Variants in ELP2 observed in about 807,000 individuals in gnomAD.
ELP2 encodes elongator complex protein 2.
ELP2 carries 90 observed loss-of-function variants against 119.2 expected under a neutral mutation model. The observed-to-expected ratio is 0.75, with a 90% CI of 0.64 to 0.90. ELP2 has a LOEUF of 0.90. Among genes scored for constraint, ELP2 ranks in the 40% least tolerant of loss-of-function variants. The pLI is 0.00. For synonymous variants in ELP2, 339 were observed against 331.0 expected, an observed-to-expected ratio of 1.02 and a Z score of -0.26; for missense variants, 921 against 967.8, an observed-to-expected ratio of 0.95 and a Z score of 0.64.
chr18:36,164,634 T>G lies in ELP2; in HGVS notation c.1921T>G (p.Trp641Gly), dbSNP rs370712390. The change falls in exon 18 of 22, where the codon TGG becomes GGG. Residue 641 changes from tryptophan to glycine, a missense_variant. Physicochemically the swap from Trp to Gly is radical, Grantham distance 184. Transcript: ENST00000358232. ...AVSRDRTWSL[W>G]KKQDTISPEF... Reference sequence around the variant, plus strand: ...TTCCAGAGATCGAACCTGGTCATTGTGGAAAAAGCAGGATACAATCTCACC... The same window carrying G: ...TTCCAGAGATCGAACCTGGTCATTGGGGAAAAAGCAGGATACAATCTCACC... The G allele has an allele frequency of 9.3e-6, 15 of 1,613,958 alleles. No individual in the cohort carries two copies. The highest frequency in any genetic ancestry group is 1.3e-5 in the African/African-American group (1 of 74,932).
intron 8 of ELP2, among the ~76,000 whole-genome samples, chr18:36,143,385 G>T (rs9960946): frequency 0.023 from 3,484 of 148,664 alleles, 130 homozygotes; most frequent in African/African-American, 0.082. Context: ...GCCTCCCAAA[G>T]TGCTGGGATT....
At chr18:36,142,215 G>A in intron 6 of ELP2, 66 bp from the exon 7 acceptor site, 2 of 1,287,494 alleles carry the variant, frequency 1.6e-6, no homozygotes, top group Non-Finnish European at 1.1e-6. Context: ...GAGACCAAAT[G>A]ATGTCACTGG....
At chr18:36,143,928 G>A (rs1056960589) in intron 8 of ELP2, among the ~76,000 whole-genome samples, 6 of 152,170 alleles carry the variant, frequency 3.9e-5, no homozygotes, top group Non-Finnish European at 5.9e-5. Context: ...TAAAAGACAA[G>A]CTAAATCTCA....
chr18:36,160,061 T>A (rs1598809428), intron 16 of ELP2, 46 bp downstream of exon 16: 1 of 1,589,764 alleles, frequency 6.3e-7, no homozygotes, highest in Middle Eastern at 2.1e-4. Flanking sequence ...CTGTCGTAAC[T>A]TCTGACTTTT....
chr18:36,149,315 A>G (rs2090311563), intron 11 of ELP2, among the ~76,000 whole-genome samples: 2 of 152,166 alleles, frequency 1.3e-5, no homozygotes, highest in African/African-American at 4.8e-5. Flanking sequence ...AAGGTTAGGT[A>G]GGTGCAGAAC....
At chr18:36,166,178 G>GT (rs1035892490) in intron 18 of ELP2, among the ~76,000 whole-genome samples, 12 of 146,808 alleles carry the variant, frequency 8.2e-5, no homozygotes, top group African/African-American at 3.0e-4. Context: ...GGGCATTAGA[G>GT]TGAGACTTCG....
intron 2 of ELP2, among the ~76,000 whole-genome samples, chr18:36,135,708 A>G (rs567664635): frequency 6.6e-6 from 1 of 152,334 alleles, no homozygotes; most frequent in Admixed American, 6.5e-5. Flanking sequence ...AATGTTTCAT[A>G]TAATGTTCCT....
chr18:36,138,320 G>T lies in ELP2; in HGVS notation c.339G>T (p.Val113=), dbSNP rs759209061. The change falls in exon 4 of 22, where the codon GTG becomes GTT. Residue 113 remains valine, a synonymous_variant. Transcript: ENST00000358232. Reference sequence around the variant, plus strand: ...GCCATGAAGGACCTGTTTATGCGGTGCATGCTGTTTACCAGAGGAGGACAT... The same window carrying T: ...GCCATGAAGGACCTGTTTATGCGGTTCATGCTGTTTACCAGAGGAGGACAT... ...LQGHEGPVYA[V]HAVYQRRTSD... is the part of the protein sequence containing the mutation. The T allele has an allele frequency of 1.2e-6, 2 of 1,614,112 alleles. No individual in the cohort carries two copies. The highest frequency in any genetic ancestry group is 1.1e-5 in the South Asian group (1 of 91,086).
chr18:36,147,407 T>TTTTGTTTGTTTG (rs71166096), intron 11 of ELP2, among the ~76,000 whole-genome samples: 465 of 149,438 alleles, frequency 3.1e-3, no homozygotes, highest in East Asian at 7.5e-3. Context: ...TACTGACAGT[T>TTTTGTTTGTTTG]TTTGTTTGTT....
At chr18:36,161,071 T>C in intron 17 of ELP2, 67 bp downstream of exon 17, 1 of 1,166,232 alleles carries the variant, frequency 8.6e-7, no homozygotes, top group South Asian at 1.2e-5. Context: ...CCTGCAAGTT[T>C]GGTAATGATT....
intron 19 of ELP2, among the ~76,000 whole-genome samples, chr18:36,167,723 G>A (rs2090949966): frequency 6.8e-6 from 1 of 147,764 alleles, no homozygotes; most frequent in African/African-American, 2.5e-5. Context: ...ACAGGGTCTC[G>A]GGTGCAGTGG....
Position 36,154,901 on chromosome 18 carries a change from G to C in ELP2, c.1177G>C (p.Asp393His), listed in dbSNP as rs1440012391. 2 of 1,613,914 alleles carry C rather than the reference G, an allele frequency of 1.2e-6. No individual in the cohort carries two copies. Among genetic ancestry groups the C allele is most frequent in the East Asian group, 2.2e-5 (1 of 44,868 alleles). The stretch of plus-strand genomic sequence containing the variant: ...TTCAGGACACTTTGATGGTGTCCAA[G>C]ACCTAGTCTGGGATCCAGAAGGAGA... Reference protein sequence around the residue: ...VISGHFDGVQDLVWDPEGEFI... With the variant: ...VISGHFDGVQHLVWDPEGEFI... The change falls in exon 12 of 22, where the codon GAC becomes CAC. Residue 393 changes from aspartate (D) to histidine (H), a missense_variant. By Grantham distance (81) the Asp-to-His change is moderately conservative. Transcript: ENST00000358232.
intron 5 of ELP2, chr18:36,139,867 T>G (rs2089961908): frequency 4.9e-6 from 1 of 202,324 alleles, no homozygotes; most frequent in Admixed American, 5.6e-5. Context: ...ATTTATTTTT[T>G]AGAGACAAAG....
chr18:36,131,450 A>G (rs1296506391), intron 1 of ELP2, among the ~76,000 whole-genome samples: 1 of 152,260 alleles, frequency 6.6e-6, no homozygotes, highest in African/African-American at 2.4e-5. Flanking sequence ...GCCTTGCGGC[A>G]TTGCGGCACC....
chr18:36,150,789 A>G (rs752321343), intron 11 of ELP2, among the ~76,000 whole-genome samples: 1 of 152,246 alleles, frequency 6.6e-6, no homozygotes, highest in Non-Finnish European at 1.5e-5. Flanking sequence ...ACATTCCCCA[A>G]TCAGACACAA....
chr18:36,157,548 TG>T (rs1366434432), intron 13 of ELP2, among the ~76,000 whole-genome samples: 1 of 152,092 alleles, frequency 6.6e-6, no homozygotes, highest in African/African-American at 2.4e-5. Flanking sequence ...GGGGTGCTGT[TG>T]GAGGCTCCTA....
chr18:36,168,584 T>C (rs570577134), intron 19 of ELP2, among the ~76,000 whole-genome samples: 11 of 152,178 alleles, frequency 7.2e-5, no homozygotes, highest in African/African-American at 2.6e-4. Flanking sequence ...TCGTGAGAAC[T>C]CACTCACTAT....
chr18:36,163,177 G>A (rs1446192134), intron 17 of ELP2, among the ~76,000 whole-genome samples: 1 of 151,842 alleles, frequency 6.6e-6, no homozygotes, highest in African/African-American at 2.4e-5. Context: ...TTGCTTCTGA[G>A]TCATTTCCCA....
intron 11 of ELP2, 79 bp downstream of exon 11, chr18:36,146,460 C>A (rs531334382): frequency 4.0e-6 from 6 of 1,498,074 alleles, no homozygotes; most frequent in Non-Finnish European, 5.6e-6. Flanking sequence ...GCTTATAACA[C>A]TCTACAGAAA....
Sources: gnomAD v4.1 joint callset for allele counts (sites outside exome capture counted in the v4.1 genomes callset) on GRCh38, gnomAD v4.1.1 for gene constraint, MANE v1.5 for transcripts, NCBI Gene and HGNC (gene_info 2026-07-23, HGNC 2026-07-21) for gene names.